The following TNIP1 variants were observed in gnomAD, a reference collection of about 807,000 sequenced individuals.
The protein encoded by TNIP1 is TNFAIP3 interacting protein 1, also known as TNFAIP3-interacting protein 1.
A neutral mutation model predicts 86.6 loss-of-function variants in TNIP1; 22 were observed. That is an observed-to-expected ratio of 0.25 (90% CI 0.18 to 0.36). The LOEUF (loss-of-function observed/expected upper bound fraction) is 0.36, where lower values mean the gene tolerates loss of function less well. TNIP1 is among the 10% of genes least tolerant of loss of function. TNIP1 has a pLI of 1.00. For synonymous variants in TNIP1, 294 were observed against 313.0 expected (o/e 0.94, Z 0.64); for missense variants, 709 against 820.6 (o/e 0.86, Z 1.66).
In TNIP1 at chr5:151,065,066, G is replaced by A. The variant is rs760006303; in HGVS notation, c.30C>T (p.Tyr10=). The change falls in exon 2 of 18, where the codon TAC becomes TAT. Residue 10 remains tyrosine, a synonymous_variant. Transcript: ENST00000521591. ...CTGAGGGCACGCTGCCCCCAGGGTC[G>A]TAGATCCGGTACGGTCCTCTCCCTT... MEGRGPYRI[Y]DPGGSVPSGE... The A allele has an allele frequency of 6.4e-5, 103 of 1,613,978 alleles. No homozygotes were observed. The highest frequency in any genetic ancestry group is 7.9e-5 in the Non-Finnish European group (93 of 1,180,036).
chr5:151,061,702 T>G (rs1761593705), intron 4 of TNIP1, among the ~76,000 whole-genome samples: 1 of 152,096 alleles, frequency 6.6e-6, no homozygotes, highest in African/African-American at 2.4e-5. Flanking sequence ...GGTCTCAAAC[T>G]CCTGGGTTCA....
chr5:151,035,429 A>G (rs905843590), intron 14 of TNIP1, among the ~76,000 whole-genome samples, 153 bp downstream of exon 14: 3 of 152,230 alleles, frequency 2.0e-5, no homozygotes, highest in Non-Finnish European at 4.4e-5. Context: ...AGAGTCAGAG[A>G]GGGGAAGGGC....
chr5:151,055,533 C>T (rs1426212152), intron 6 of TNIP1, among the ~76,000 whole-genome samples: 1 of 152,200 alleles, frequency 6.6e-6, no homozygotes, highest in Non-Finnish European at 1.5e-5. Flanking sequence ...CTTCTCTCAG[C>T]CTGGCTCTCC....
chr5:151,046,096 TC>T, intron 8 of TNIP1, 146 bp from the exon 9 acceptor site: 1 of 661,940 alleles, frequency 1.5e-6, no homozygotes, highest in African/African-American at 1.8e-5. Flanking sequence ...CCACTAACCA[TC>T]CCAGTCATGA....
upstream of TNIP1, among the ~76,000 whole-genome samples, chr5:151,083,877 G>A (rs1764174000): frequency 6.6e-6 from 1 of 152,186 alleles, no homozygotes; most frequent in Non-Finnish European, 1.5e-5. Flanking sequence ...AACATGTATG[G>A]AGTATTTGCT....
Position 151,071,046 on chromosome 5 carries a change from A to G in TNIP1, c.-36-5915T>C, listed in dbSNP as rs553953720. Among the ~76,000 whole-genome samples the G allele has an allele frequency of 1.2e-4, 18 of 152,268 alleles. No homozygotes were observed. The South Asian group carries it at 2.3e-3, about 19-fold the overall frequency. On this transcript the variant is annotated intron_variant, in intron 1 of 17. Transcript: ENST00000521591. Reference sequence around the variant, plus strand: ...CTGTTAGGGGTGGGGGGGGCGCAGTATATGTAAAATCTCTGTACCTTCTTC... The same window carrying G: ...CTGTTAGGGGTGGGGGGGGCGCAGTGTATGTAAAATCTCTGTACCTTCTTC...
At chr5:151,044,311 G>A (rs577624027) in intron 9 of TNIP1, among the ~76,000 whole-genome samples, 197 of 151,908 alleles carry the variant, frequency 1.3e-3, no homozygotes, top group African/African-American at 4.6e-3. Context: ...CAAAGTGCTG[G>A]GATTACAGGT....
At chr5:151,063,877 G>A (rs1235814131) in intron 2 of TNIP1, 130 bp from the exon 3 acceptor site, 51 of 1,192,574 alleles carry the variant, frequency 4.3e-5, no homozygotes, top group East Asian at 2.0e-4. Flanking sequence ...CACTCCCACC[G>A]TTGCTCTGTG....
chr5:151,066,755 C>A (rs4562032), intron 1 of TNIP1, among the ~76,000 whole-genome samples: 7,753 of 152,190 alleles, frequency 0.051, 676 homozygotes, highest in African/African-American at 0.18. Context: ...GCCACGATGA[C>A]CCGGCCGCAA....
In TNIP1 at chr5:151,036,883, T is replaced by C. The variant is rs1757777757; in HGVS notation, c.1302A>G (p.Ser434=). 6.2e-7 allele frequency: 1 copy of C among 1,612,658 alleles called. No homozygotes were observed. Among genetic ancestry groups the C allele is most frequent in the Non-Finnish European group, 8.5e-7 (1 of 1,179,274 alleles). ...GGCTCCCAAATGCTGTTGGTGGAGA[T>C]GATGGCGGGGTTTGGATGCTCAGTG... ...EEALSIQTPP[S]SPPTAFGSPE... Residue 434 remains serine, a synonymous_variant, in exon 13 of 18, where the codon TCA becomes TCG. Transcript: ENST00000521591.
Position 151,052,266 on chromosome 5 carries a change from G to A in TNIP1, c.628-7C>T. ...GAAGCTGCTCACACAGGGTCTGTGG[G>A]GCAGGGGAACAGACAGGGTGAGGGA... On this transcript the variant is annotated splice_polypyrimidine_tract_variant and splice_region_variant and intron_variant, in intron 6 of 17. Coordinates refer to ENST00000521591, the MANE Select transcript of TNIP1 (RefSeq NM_006058.5). 3.7e-6 allele frequency: 6 copies of A among 1,612,434 alleles called. No homozygotes were observed. In the South Asian group the frequency reaches 5.5e-5, roughly 15 times the overall value.
intron 6 of TNIP1, among the ~76,000 whole-genome samples, chr5:151,056,150 C>T (rs895904620): frequency 3.3e-5 from 5 of 152,204 alleles, no homozygotes; most frequent in African/African-American, 1.2e-4. Context: ...CAAGGTCATA[C>T]AGCAATAAAG....
intron 4 of TNIP1, among the ~76,000 whole-genome samples, chr5:151,061,387 T>C (rs1159302720): frequency 6.6e-6 from 1 of 152,148 alleles, no homozygotes; most frequent in Non-Finnish European, 1.5e-5. Flanking sequence ...GAACAGGTCC[T>C]TCTTTCCCTG....
At chr5:151,057,525 C>G (rs75624930) in intron 5 of TNIP1, among the ~76,000 whole-genome samples, 7,363 of 152,180 alleles carry the variant, frequency 0.048, 587 homozygotes, top group African/African-American at 0.17. Context: ...GAGATCAAGA[C>G]GGCCTGAGTG....
Position 151,036,889 on chromosome 5 carries a change from C to A in TNIP1, c.1296G>T (p.Pro432=), listed in dbSNP as rs574046689. ...CAAATGCTGTTGGTGGAGATGATGG[C>A]GGGGTTTGGATGCTCAGTGCTTCCT... The part of the protein sequence containing the change: ...ALEEALSIQT[P]PSSPPTAFGS... Residue 432 remains proline, a synonymous_variant, in exon 13 of 18, where the codon CCG becomes CCT. Transcript: ENST00000521591. The A allele has an allele frequency of 2.4e-5, 38 of 1,611,656 alleles. No homozygotes were observed. Among genetic ancestry groups the A allele is most frequent in the Non-Finnish European group, 3.0e-5 (35 of 1,178,814 alleles).
intron 1 of TNIP1, among the ~76,000 whole-genome samples, chr5:151,070,549 A>T (rs762620058): frequency 3.3e-5 from 5 of 152,200 alleles, no homozygotes; most frequent in African/African-American, 4.8e-5. Flanking sequence ...GCTAGTGAAC[A>T]TGTAGCTATA....
intron 1 of TNIP1, among the ~76,000 whole-genome samples, chr5:151,066,178 T>C (rs1762198584): frequency 6.6e-6 from 1 of 152,056 alleles, no homozygotes; most frequent in Admixed American, 6.5e-5. Context: ...AATCAAAAAG[T>C]CTATGCACAA....
Position 151,029,974 on chromosome 5 carries a change from A to G in TNIP1, c.*739T>C. The G allele has an allele frequency of 2.3e-6, 1 of 433,188 alleles. No individual in the cohort carries two copies. Among genetic ancestry groups the G allele is most frequent in the South Asian group, 1.6e-5 (1 of 63,778 alleles). The allele number at this position is 433,188 out of a possible 1,614,324, so 26.8% of individuals were successfully genotyped here. ...TCTTCTTCAACTTGGATTTATGTCC[A>G]TGATTCGTGCAAATAGCTATCCAGG... On this transcript the variant is annotated 3_prime_UTR_variant, in exon 18 of 18. Coordinates refer to ENST00000521591, the MANE Select transcript of TNIP1 (RefSeq NM_006058.5).
rs1180500510 is a variant in TNIP1 at position 151,062,354 on chromosome 5, A to G, written c.272-142T>C. ...TGGGAGAATGGGAGGTGGTCTCATCAGGGCCAGGTAGTCTGAGAAAATGGC... is the reference window on the plus strand; with the variant it reads ...TGGGAGAATGGGAGGTGGTCTCATCGGGGCCAGGTAGTCTGAGAAAATGGC... On this transcript the variant is annotated intron_variant, in intron 3 of 17. Transcript: ENST00000521591. 8.4e-6 allele frequency: 6 copies of G among 715,146 alleles called. No individual in the cohort carries two copies. The Admixed American group carries it at 1.4e-4, about 17-fold the overall frequency. 44.3% of individuals were successfully genotyped at this position (715,146 alleles called of 1,614,324 possible).
Sources: allele counts gnomAD v4.1 joint callset (sites outside exome capture counted in the v4.1 genomes callset), GRCh38; gene constraint gnomAD v4.1.1; transcripts MANE v1.5; gene names NCBI Gene and HGNC (gene_info 2026-07-23, HGNC 2026-07-21).